The following TMEM132D variants were observed in gnomAD, a reference collection of about 807,000 sequenced individuals.
The protein encoded by TMEM132D is transmembrane protein 132D, also known as mature OL transmembrane protein.
Under a neutral mutation model 62.3 loss-of-function variants are expected in TMEM132D, and 21 were observed. The observed-to-expected ratio is 0.34, with a 90% CI of 0.24 to 0.49. The LOEUF is 0.49. Among genes scored for constraint, TMEM132D ranks in the 20% least tolerant of loss-of-function variants. TMEM132D has a pLI of 0.99. For missense variants in TMEM132D, 1,346 were observed against 1,402.8 expected, an observed-to-expected ratio of 0.96 and a Z score of 0.65; for synonymous variants, 621 against 575.6, an observed-to-expected ratio of 1.08 and a Z score of -1.13.
chr12:129,315,575 T>C (rs1276035427), intron 4 of TMEM132D, among the ~76,000 whole-genome samples: 5 of 152,202 alleles, frequency 3.3e-5, no homozygotes, highest in African/African-American at 1.2e-4. Flanking sequence ...TTAGCATCTA[T>C]CTTCATCAAG....
At position 129,150,152 on chromosome 12, in the gene TMEM132D, C is replaced by T. The variant is rs117332276; in HGVS notation, c.1443+59368G>A. Among the ~76,000 whole-genome samples, 73 of 152,318 alleles carry T rather than the reference C, an allele frequency of 4.8e-4. No individual in the cohort carries two copies. The East Asian group carries it at 0.013, about 27-fold the overall frequency. Reference sequence around the variant, plus strand: ...ATATGTGGGTGCTGGGGCTCACTCCCGGCAATCTGGGAAGGCCTAAGAACA... The same window carrying T: ...ATATGTGGGTGCTGGGGCTCACTCCTGGCAATCTGGGAAGGCCTAAGAACA... On this transcript the variant is annotated intron_variant, in intron 5 of 8. Coordinates refer to ENST00000422113, the MANE Select transcript of TMEM132D (RefSeq NM_133448.3).
At chr12:129,451,680 T>C (rs1873291261) in intron 3 of TMEM132D, among the ~76,000 whole-genome samples, 1 of 152,192 alleles carries the variant, frequency 6.6e-6, no homozygotes, top group South Asian at 2.1e-4. Context: ...TTGACGTTAT[T>C]CTCATGTGAC....
rs531139068 is a variant in TMEM132D, at chr12:129,817,613, T to C, written c.79+85648A>G. On this transcript the variant is annotated intron_variant, in intron 1 of 8. Transcript: ENST00000422113. ...AGATGGTGTGTGTGTGTGTGTGTAG[T>C]ATGGGGTGTGCCTCTGTGTAATGTG... Among the ~76,000 whole-genome samples, 7 of 135,044 alleles carry C rather than the reference T, an allele frequency of 5.2e-5. No homozygotes were observed. The East Asian group carries it at 1.3e-3, about 24-fold the overall frequency. 88.6% of individuals were successfully genotyped at this position (135,044 alleles called of 152,430 possible). A position where few individuals can be genotyped will look rare whatever the true frequency, so the allele number is the denominator to read the frequency against.
At chr12:129,791,457 C>T (rs1871398759) in intron 1 of TMEM132D, among the ~76,000 whole-genome samples, 1 of 152,090 alleles carries the variant, frequency 6.6e-6, no homozygotes, top group Non-Finnish European at 1.5e-5. Flanking sequence ...TAGAGCAAAA[C>T]AGTAGAGAAT....
intron 1 of TMEM132D, among the ~76,000 whole-genome samples, chr12:129,720,873 C>G (rs11060509): frequency 0.26 from 38,952 of 152,220 alleles, 5,733 homozygotes; most frequent in East Asian, 0.37. Context: ...ACTGAGTGGC[C>G]TCCCAGCCTG....
intron 5 of TMEM132D, among the ~76,000 whole-genome samples, chr12:129,189,577 G>C (rs1037394430): frequency 6.6e-6 from 1 of 152,112 alleles, no homozygotes; most frequent in East Asian, 1.9e-4. Context: ...CCCAGGGTGC[G>C]TGAGGTCCAT....
At chr12:129,540,426 A>C (rs1876552995) in intron 2 of TMEM132D, among the ~76,000 whole-genome samples, 1 of 152,138 alleles carries the variant, frequency 6.6e-6, no homozygotes, top group Non-Finnish European at 1.5e-5. Context: ...GAGTAATTCG[A>C]GGAGAGTAAA....
chr12:129,327,121 G>A (rs745560997), intron 4 of TMEM132D, among the ~76,000 whole-genome samples: 2 of 152,044 alleles, frequency 1.3e-5, no homozygotes, highest in African/African-American at 4.8e-5. Flanking sequence ...CACGGCCATC[G>A]ACAAACTGTG....
At chr12:129,719,413 C>T (rs1415614858) in intron 1 of TMEM132D, among the ~76,000 whole-genome samples, 2 of 152,160 alleles carry the variant, frequency 1.3e-5, no homozygotes. Context: ...AATCTAAATA[C>T]AACAGAACTA....
chr12:129,267,843 T>C (rs1234005488), intron 4 of TMEM132D, among the ~76,000 whole-genome samples: 13 of 152,078 alleles, frequency 8.5e-5, no homozygotes, highest in African/African-American at 1.2e-4. Flanking sequence ...GAGATATAGA[T>C]CAATGGAACA....
At chr12:129,230,301 T>G (rs1879601583) in intron 4 of TMEM132D, among the ~76,000 whole-genome samples, 1 of 140,588 alleles carries the variant, frequency 7.1e-6, no homozygotes, top group Non-Finnish European at 1.6e-5. Flanking sequence ...ACTCCTTCTG[T>G]GTTGGAGGGG....
chr12:129,421,966 C>T (rs1056149257), intron 3 of TMEM132D, among the ~76,000 whole-genome samples: 1 of 152,100 alleles, frequency 6.6e-6, no homozygotes, highest in African/African-American at 2.4e-5. Flanking sequence ...ACAATGCCAT[C>T]GTTCCCCCAG....
In TMEM132D at chr12:129,706,099, T is replaced by C. The variant is rs1283166851; in HGVS notation, c.80-5401A>G. Among the ~76,000 whole-genome samples, 3 of 151,730 alleles carry C rather than the reference T, an allele frequency of 2.0e-5. No homozygotes were observed. The East Asian group carries it at 5.8e-4, about 29-fold the overall frequency. ...TATTGAATGCACAGATAAACAAAAATAGAAAACAAAATATGACAGAAGAAC... is the reference window on the plus strand; with the variant it reads ...TATTGAATGCACAGATAAACAAAAACAGAAAACAAAATATGACAGAAGAAC... On this transcript the variant is annotated intron_variant, in intron 1 of 8. Transcript: ENST00000422113.
intron 2 of TMEM132D, among the ~76,000 whole-genome samples, chr12:129,658,030 A>G (rs1244897022): frequency 6.6e-6 from 1 of 152,232 alleles, no homozygotes; most frequent in Non-Finnish European, 1.5e-5. Context: ...GAGCATTGAA[A>G]TCAAACACCA....
chr12:129,607,336 C>A (rs977097813), intron 2 of TMEM132D, among the ~76,000 whole-genome samples: 1 of 152,154 alleles, frequency 6.6e-6, no homozygotes, highest in Non-Finnish European at 1.5e-5. Flanking sequence ...CAAAAACCTG[C>A]GATCGCATGC....
intron 6 of TMEM132D, 151 bp from the exon 7 acceptor site, chr12:129,082,183 T>A: frequency 2.1e-6 from 2 of 955,340 alleles, no homozygotes; most frequent in Non-Finnish European, 3.0e-6. Flanking sequence ...CTTCAGATAC[T>A]AACCACTGCT....
chr12:129,767,325 T>A (rs1402293712), intron 1 of TMEM132D, among the ~76,000 whole-genome samples: 1 of 152,172 alleles, frequency 6.6e-6, no homozygotes. Flanking sequence ...TCGTGTTAAT[T>A]TGGCTCCTAG....
chr12:129,684,340 C>A (rs148601510), intron 2 of TMEM132D, among the ~76,000 whole-genome samples: 4 of 151,920 alleles, frequency 2.6e-5, no homozygotes, highest in African/African-American at 9.7e-5. Flanking sequence ...GGGGCGTTTC[C>A]CCCTTTGCTT....
intron 2 of TMEM132D, among the ~76,000 whole-genome samples, chr12:129,677,172 C>A (rs1466512017): frequency 6.6e-6 from 1 of 152,154 alleles, no homozygotes; most frequent in Non-Finnish European, 1.5e-5. Context: ...CCACAATTCC[C>A]ACATGTCATG....
Sources: allele counts gnomAD v4.1 joint callset (sites outside exome capture counted in the v4.1 genomes callset), GRCh38; gene constraint gnomAD v4.1.1; transcripts MANE v1.5; gene names NCBI Gene and HGNC (gene_info 2026-07-23, HGNC 2026-07-21).